The following EPRS1 variants were observed in gnomAD, a reference collection of about 807,000 sequenced individuals.
EPRS1 encodes bifunctional glutamate/proline--tRNA ligase.
EPRS1 carries 107 observed loss-of-function variants against 188.3 expected under a neutral mutation model. The observed-to-expected ratio is 0.57, with a 90% confidence interval of 0.49 to 0.67. EPRS1 has a LOEUF of 0.67. EPRS1 is among the 30% of genes least tolerant of loss of function. EPRS1 has a pLI of 0.00. For synonymous variants in EPRS1, 596 were observed against 593.1 expected, an observed-to-expected ratio of 1.00 and a Z score of -0.07; for missense variants, 1,577 against 1,802.2, an observed-to-expected ratio of 0.88 and a Z score of 2.26.
In EPRS1 at chr1:220,018,503, G is replaced by A. The variant is rs1419703999; in HGVS notation, c.1440C>T (p.Ser480=). ...GLKQFIAAQG[S]SRSVVNMEWD... is the part of the protein sequence containing the mutation. ...ACTCCATGTTCACGACTGAACGTGA[G>A]GAGCCCTAAAAAACAATAACAACAT... Residue 480 remains serine (S), a synonymous_variant, in exon 12 of 32, where the codon TCC becomes TCT. Coordinates refer to ENST00000366923, the MANE Select transcript of EPRS1 (RefSeq NM_004446.3). The A allele has an allele frequency of 1.9e-6, 3 of 1,609,880 alleles. No individual in the cohort carries two copies. In the South Asian group the frequency reaches 3.3e-5, roughly 18 times the overall value.
At chr1:220,020,483 T>C (rs1362481568) in intron 9 of EPRS1, among the ~76,000 whole-genome samples, 1 of 152,120 alleles carries the variant, frequency 6.6e-6, no homozygotes, top group African/African-American at 2.4e-5. Context: ...GCTTGGCAAA[T>C]TGTATAATCA....
At chr1:220,024,493 T>G in intron 7 of EPRS1, 37 bp from the exon 8 acceptor site, 1 of 1,498,348 alleles carries the variant, frequency 6.7e-7, no homozygotes, top group Non-Finnish European at 9.0e-7. Flanking sequence ...CAGTATATCT[T>G]TTGCATTTTT....
At position 219,969,752 on chromosome 1, in the gene EPRS1, T is replaced by C. The variant is rs532470742; in HGVS notation, c.4324-630A>G. Among the ~76,000 whole-genome samples the C allele has an allele frequency of 9.2e-5, 14 of 152,240 alleles. No individual in the cohort carries two copies. The East Asian group carries it at 2.7e-3, about 29-fold the overall frequency. Reference sequence around the variant, plus strand: ...TTTATTTTAATTTTGAAATTTGCCATGTGTTTGAAAATCTCTAGCTCTGGG... The same window carrying C: ...TTTATTTTAATTTTGAAATTTGCCACGTGTTTGAAAATCTCTAGCTCTGGG... On this transcript the variant is annotated intron_variant, in intron 30 of 31. Coordinates refer to ENST00000366923, the MANE Select transcript of EPRS1 (RefSeq NM_004446.3).
chr1:219,997,359 C>A lies in EPRS1; in HGVS notation c.2182-17G>T. On this transcript the variant is annotated splice_polypyrimidine_tract_variant and intron_variant, in intron 17 of 31. Transcript: ENST00000366923. ...AGCAGAGGTCTACCAAGAGAGAAAA[C>A]CAAAAGTAAAATAATTAATTCATAT... The A allele has an allele frequency of 6.6e-7, 1 of 1,524,118 alleles. No homozygotes were observed. 94.4% of individuals were successfully genotyped at this position (1,524,118 alleles called of 1,614,324 possible). A position where few individuals can be genotyped will look rare whatever the true frequency, so the allele number is the denominator to read the frequency against.
intron 6 of EPRS1, among the ~76,000 whole-genome samples, chr1:220,028,707 A>G (rs1040245895): frequency 6.6e-6 from 1 of 152,230 alleles, no homozygotes; most frequent in African/African-American, 2.4e-5. Context: ...TTAATAAGTT[A>G]CTATAAGTAA....
chr1:219,982,967 T>A, intron 22 of EPRS1, 123 bp from the exon 23 acceptor site: 1 of 868,282 alleles, frequency 1.2e-6, no homozygotes, highest in South Asian at 1.5e-5. Context: ...GTTAAAATAG[T>A]CGCTGCTGTT....
chr1:219,968,927 G>C lies in EPRS1; in HGVS notation c.4418C>G (p.Ser1473Cys). 6.2e-7 allele frequency: 1 copy of C among 1,613,872 alleles called. No individual in the cohort carries two copies. The highest frequency in any genetic ancestry group is 8.5e-7 in the Non-Finnish European group (1 of 1,179,738). ...GATGCAAAGGCTTTTAGCTCCCATG[G>C]ATGGAGCACCAGGTTCAAGATCTTG... ...RDQDLEPGAP[S>C]MGAKSLCIPF... The change falls in exon 32 of 32, where the codon TCC (serine) becomes TGC (cysteine). Residue 1473 changes from serine to cysteine, a missense_variant. Physicochemically the swap from Ser to Cys is moderately radical, Grantham distance 112 (BLOSUM62 -1). This residue lies in a region of EPRS1 where 296 missense variants were observed against 327.9 expected (regional missense o/e 0.90). Coordinates refer to ENST00000366923, the MANE Select transcript of EPRS1 (RefSeq NM_004446.3).
intron 18 of EPRS1, among the ~76,000 whole-genome samples, chr1:219,991,043 G>A (rs1661111630): frequency 6.6e-6 from 1 of 151,972 alleles, no homozygotes; most frequent in South Asian, 2.1e-4. Flanking sequence ...GTTTAAGATG[G>A]GAATTGGAAA....
In EPRS1 at chr1:220,020,225, G is replaced by A; in HGVS notation, c.1116-4C>T. ...AAAATCATATGTTGGATAAACACTA[G>A]AAAAAAAGAAAATAAAATAAACAAA... On this transcript the variant is annotated splice_region_variant and splice_polypyrimidine_tract_variant and intron_variant, in intron 9 of 31. Coordinates refer to ENST00000366923, the MANE Select transcript of EPRS1 (RefSeq NM_004446.3). 3 of 1,557,706 alleles carry A rather than the reference G, an allele frequency of 1.9e-6. No individual in the cohort carries two copies. The highest frequency in any genetic ancestry group is 2.3e-5 in the South Asian group (2 of 86,888).
intron 1 of EPRS1, among the ~76,000 whole-genome samples, chr1:220,044,116 A>G (rs2577163): frequency 0.88 from 133,787 of 152,134 alleles, 59,157 homozygotes; most frequent in African/African-American, 0.96. Flanking sequence ...AAAGGTCTTT[A>G]TTTTAAGTTT....
At chr1:219,980,887 T>C (rs1295053882) in intron 24 of EPRS1, 30 bp from the exon 25 acceptor site, 1 of 1,506,640 alleles carries the variant, frequency 6.6e-7, no homozygotes, top group Non-Finnish European at 9.1e-7. Context: ...AATTTAGTCA[T>C]TATAAAGAGC....
intron 1 of EPRS1, among the ~76,000 whole-genome samples, chr1:220,044,228 A>T (rs746968608): frequency 8.5e-5 from 13 of 152,242 alleles, no homozygotes; most frequent in Non-Finnish European, 1.8e-4. Context: ...TATATTACTT[A>T]AAGATAAAAT....
At position 219,968,663 on chromosome 1, in the gene EPRS1, G is replaced by T; in HGVS notation, c.*143C>A. 1.4e-6 allele frequency: 1 copy of T among 707,180 alleles called. No homozygotes were observed. The highest frequency in any genetic ancestry group is 2.3e-6 in the Non-Finnish European group (1 of 426,198). The allele number at this position is 707,180 out of a possible 1,614,324, so 43.8% of individuals were successfully genotyped here. A position where few individuals can be genotyped will look rare whatever the true frequency, so the allele number is the denominator to read the frequency against. On this transcript the variant is annotated 3_prime_UTR_variant, in exon 32 of 32. Transcript: ENST00000366923. ...AAGTCTTTTATCCACTGTTAACTTA[G>T]GCATAAGAATAATTGTCCTGTGTGA... is the stretch of plus-strand genomic sequence containing the variant.
chr1:220,003,102 C>T (rs1054437371), intron 16 of EPRS1, among the ~76,000 whole-genome samples: 1 of 152,214 alleles, frequency 6.6e-6, no homozygotes, highest in Non-Finnish European at 1.5e-5. Flanking sequence ...ACCAGCAATA[C>T]ATATGGGTTC....
intron 1 of EPRS1, among the ~76,000 whole-genome samples, chr1:220,041,580 C>T (rs977948736): frequency 6.6e-6 from 1 of 152,122 alleles, no homozygotes; most frequent in African/African-American, 2.4e-5. Flanking sequence ...GTGGTTCACG[C>T]CTATAATCCC....
chr1:220,019,278 C>T (rs1321467124), intron 10 of EPRS1, among the ~76,000 whole-genome samples, 199 bp from the exon 11 acceptor site: 1 of 151,736 alleles, frequency 6.6e-6, no homozygotes, highest in Non-Finnish European at 1.5e-5. Flanking sequence ...TCAAATACTG[C>T]AGTAAAATAA....
chr1:220,018,785 T>C (rs1661794012), intron 11 of EPRS1, among the ~76,000 whole-genome samples: 1 of 148,626 alleles, frequency 6.7e-6, no homozygotes, highest in Admixed American at 6.8e-5. Flanking sequence ...CTTAGGAGTT[T>C]AGGACATTTT....
At chr1:219,978,340 CA>C (rs1477355766) in intron 28 of EPRS1, among the ~76,000 whole-genome samples, 1 of 152,030 alleles carries the variant, frequency 6.6e-6, no homozygotes, top group Non-Finnish European at 1.5e-5. Context: ...AATAAGCTTC[CA>C]CAAAAACTAT....
chr1:220,018,906 GAAC>G (rs765064452), intron 11 of EPRS1, 86 bp downstream of exon 11: 85 of 756,398 alleles, frequency 1.1e-4, no homozygotes, highest in Non-Finnish European at 1.6e-4. Context: ...GGAATAGAAA[GAAC>G]AACAGAGATA....
Sources: gnomAD v4.1 joint callset for allele counts (sites outside exome capture counted in the v4.1 genomes callset) on GRCh38, gnomAD v4.1.1 for gene constraint, gnomAD v4.1.1 regional missense constraint, MANE v1.5 for transcripts, NCBI Gene and HGNC (gene_info 2026-07-23, HGNC 2026-07-21) for gene names.